The following CENATAC variants were observed in gnomAD, a reference collection of about 807,000 sequenced individuals.
The protein encoded by CENATAC is centrosomal AT-AC splicing factor.
A neutral mutation model predicts 53.7 loss-of-function variants in CENATAC; 53 were observed. That is an observed-to-expected ratio of 0.99 (90% CI 0.79 to 1.24). CENATAC has a LOEUF of 1.24. CENATAC is among the 50% of genes most tolerant of loss of function. CENATAC has a pLI of 0.00. For missense variants in CENATAC, 474 were observed against 417.8 expected, an observed-to-expected ratio of 1.13 and a Z score of -1.17; for synonymous variants, 156 against 144.6, an observed-to-expected ratio of 1.08 and a Z score of -0.57.
intron 3 of CENATAC, chr11:119,005,878 G>A (rs1942564757): frequency 6.6e-6 from 1 of 151,140 alleles, no homozygotes; most frequent in Non-Finnish European, 1.5e-5. Flanking sequence ...AAACCTGGCA[G>A]TCTGTACAGT....
At chr11:118,998,928 G>A in intron 2 of CENATAC, 83 bp from the exon 3 acceptor site, 3 of 1,069,428 alleles carry the variant, frequency 2.8e-6, no homozygotes, top group Non-Finnish European at 4.3e-6. Context: ...CCAGATGTCA[G>A]TTTGCATTAC....
chr11:119,012,525 C>G (rs1162524334), intron 7 of CENATAC: 1 of 329,614 alleles, frequency 3.0e-6, no homozygotes, highest in Non-Finnish European at 5.7e-6. Flanking sequence ...AAATATCCCA[C>G]AGGCATCTGA....
Position 119,002,479 on chromosome 11 carries a change from C to T in CENATAC, c.383+3370C>T, listed in dbSNP as rs372159268. On this transcript the variant is annotated intron_variant, in intron 3 of 10. Coordinates refer to ENST00000334418, the MANE Select transcript of CENATAC (RefSeq NM_198489.3). ...TCAGCTTCCAGAGTAGGTGGAATTA[C>T]AGGCTTGTGCCACTACGCCTGACTA... is the stretch of plus-strand genomic sequence containing the variant. Among the ~76,000 whole-genome samples the T allele has an allele frequency of 2.3e-4, 35 of 151,458 alleles. 1 individual carries two copies. The South Asian group carries it at 7.3e-3, about 32-fold the overall frequency.
At chr11:119,012,798 T>C (rs1445257511) in intron 7 of CENATAC, 1 of 167,604 alleles carries the variant, frequency 6.0e-6, no homozygotes, top group Non-Finnish European at 1.3e-5. Context: ...CCTTCCCTCA[T>C]CACCTAGTTT....
At chr11:119,002,373 CTG>C (rs1942351002) in intron 3 of CENATAC, among the ~76,000 whole-genome samples, 1 of 143,686 alleles carries the variant, frequency 7.0e-6, no homozygotes, top group Non-Finnish European at 1.5e-5. Context: ...CAGTCTCACT[CTG>C]TTGCCCAGGC....
chr11:119,014,974 A>T lies in CENATAC; in HGVS notation c.716-20A>T. On this transcript the variant is annotated intron_variant, in intron 8 of 10. Transcript: ENST00000334418. ...CTGAAGACTTAAAAAAAAAAAAAAA[A>T]GCCTTAATTTTTTTTTCAGGTGCCA... is the stretch of plus-strand genomic sequence containing the variant. 9.7e-5 allele frequency: 141 copies of T among 1,459,190 alleles called. No homozygotes were observed. Among genetic ancestry groups the T allele is most frequent in the Non-Finnish European group, 1.2e-4 (131 of 1,065,618 alleles). The allele number at this position is 1,459,190 out of a possible 1,614,324, so 90.4% of individuals were successfully genotyped here.
At chr11:119,005,452 G>A (rs1014265926) in intron 3 of CENATAC, among the ~76,000 whole-genome samples, 1 of 150,304 alleles carries the variant, frequency 6.7e-6, no homozygotes, top group Non-Finnish European at 1.5e-5. Context: ...GCGACATAGA[G>A]TGAGACCCCG....
At chr11:119,001,972 C>CTGT in intron 3 of CENATAC, 1 of 205,544 alleles carries the variant, frequency 4.9e-6, no homozygotes, top group Non-Finnish European at 1.0e-5. Flanking sequence ...ACCTGTAATC[C>CTGT]CAGCACTTTG....
rs782452402 is a variant in CENATAC at position 119,010,776 on chromosome 11, C to T, written c.396C>T (p.Ser132=). 7 of 1,613,946 alleles carry T rather than the reference C, an allele frequency of 4.3e-6. No individual in the cohort carries two copies. The highest frequency in any genetic ancestry group is 5.1e-6 in the Non-Finnish European group (6 of 1,179,942). The part of the protein sequence containing the change: ...TPQDYARFKK[S]MVKGLDSYEE... Reference sequence around the variant, plus strand: ...CTTTTCTTTTTAGATTCAAGAAATCCATGGTGAAAGGTTTGGATTCCTATG... The same window carrying T: ...CTTTTCTTTTTAGATTCAAGAAATCTATGGTGAAAGGTTTGGATTCCTATG... The change falls in exon 4 of 11, where the codon TCC becomes TCT. Residue 132 remains serine, a synonymous_variant. Coordinates refer to ENST00000334418, the MANE Select transcript of CENATAC (RefSeq NM_198489.3).
At chr11:119,014,765 T>C in intron 8 of CENATAC, 1 of 358,022 alleles carries the variant, frequency 2.8e-6, no homozygotes, top group Non-Finnish European at 5.0e-6. Flanking sequence ...CAAATTTAAG[T>C]GTGTATCGTT....
In CENATAC at chr11:119,015,516, T is replaced by A. The variant is rs201052753; in HGVS notation, c.939-22T>A. ...GGAGATGTCACCCTTCATCATCGTG[T>A]TAACCCTTTATTTCCTTTCAGACAT... On this transcript the variant is annotated intron_variant, in intron 10 of 10. Transcript: ENST00000334418. The A allele has an allele frequency of 8.9e-5, 143 of 1,614,168 alleles. No homozygotes were observed. The African/African-American group carries it at 1.7e-3, about 19-fold the overall frequency.
intron 2 of CENATAC, 25 bp downstream of exon 2, chr11:118,998,618 T>C: frequency 6.4e-7 from 1 of 1,552,318 alleles, no homozygotes; most frequent in East Asian, 2.4e-5. Flanking sequence ...AGGAGCCTGC[T>C]CCAGCACAGA....
Position 119,011,245 on chromosome 11 carries a change from G to A in CENATAC, c.475G>A (p.Glu159Lys). Residue 159 changes from glutamate (E) to lysine (K), a missense_variant, in exon 5 of 11, where the codon GAG becomes AAG. Coordinates refer to ENST00000334418, the MANE Select transcript of CENATAC (RefSeq NM_198489.3). ...GATGGCAGCTCAGATCCGTGAGGTG[G>A]AGCAGAGCCGACAGGAGGTGGTTCG... ...KEMAAQIREV[E>K]QSRQEVVRSV... 1 of 1,614,128 alleles carries A rather than the reference G, an allele frequency of 6.2e-7. No homozygotes were observed. The highest frequency in any genetic ancestry group is 8.5e-7 in the Non-Finnish European group (1 of 1,179,992).
chr11:119,006,075 A>ATTTTTTTTTTTTTT (rs564551696), intron 3 of CENATAC: 3 of 58,510 alleles, frequency 5.1e-5, no homozygotes, highest in African/African-American at 1.5e-4. Context: ...AGTAGGCAGG[A>ATTTTTTTTTTTTTT]TTTTTTTTTT....
intron 3 of CENATAC, 188 bp from the exon 4 acceptor site, chr11:119,010,576 C>T: frequency 1.7e-6 from 1 of 578,810 alleles, no homozygotes; most frequent in Non-Finnish European, 3.1e-6. Context: ...TGTGTCTGTA[C>T]AAAAGAAGTG....
At position 119,015,771 on chromosome 11, in the gene CENATAC, A is replaced by G; in HGVS notation, c.*173A>G. 7.6e-7 allele frequency: 1 copy of G among 1,322,968 alleles called. No individual in the cohort carries two copies. Among genetic ancestry groups the G allele is most frequent in the Non-Finnish European group, 1.1e-6 (1 of 932,380 alleles). The allele number at this position is 1,322,968 out of a possible 1,614,324, so 82.0% of individuals were successfully genotyped here. ...CAGCTGGTTGGACCTGTAAAAAAAA[A>G]TTAAAAGAATCAGAACCATAAAGCT... On this transcript the variant is annotated 3_prime_UTR_variant, in exon 11 of 11. Coordinates refer to ENST00000334418, the MANE Select transcript of CENATAC (RefSeq NM_198489.3).
intron 3 of CENATAC, chr11:119,009,732 G>C (rs1942778234): frequency 6.6e-6 from 1 of 152,162 alleles, no homozygotes; most frequent in Non-Finnish European, 1.5e-5. Flanking sequence ...TAGTGGTATT[G>C]GTATTATACT....
intron 3 of CENATAC, chr11:119,009,859 T>C (rs1410075780): frequency 6.6e-6 from 1 of 152,174 alleles, no homozygotes; most frequent in African/African-American, 2.4e-5. Flanking sequence ...AAATTACTGA[T>C]TTAAGGCCAG....
rs183268312 is a variant in CENATAC, at chr11:119,013,395, A to G, written c.715+133A>G. 9,443 of 627,782 alleles carry G rather than the reference A, an allele frequency of 0.015. 150 individuals carry two copies. The highest frequency in any genetic ancestry group is 0.037 in the East Asian group (1,210 of 32,676). 38.9% of individuals were successfully genotyped at this position (627,782 alleles called of 1,614,324 possible). ...GCTGCAACCTCTGCCTCTCAGGTTC[A>G]AGTGATTCTTCTGCCTCAGCCTCCC... On this transcript the variant is annotated intron_variant, in intron 8 of 10. Transcript: ENST00000334418.
Sources: gnomAD v4.1 joint callset for allele counts (sites outside exome capture counted in the v4.1 genomes callset) on GRCh38, gnomAD v4.1.1 for gene constraint, MANE v1.5 for transcripts, NCBI Gene and HGNC (gene_info 2026-07-23, HGNC 2026-07-21) for gene names.